PABPN1L: variants seen among roughly 807,000 people sequenced by gnomAD.
The protein encoded by PABPN1L is PABPN1 like, cytoplasmic.
In PABPN1L, 45 loss-of-function variants were observed where a neutral mutation model predicts 34.0. The observed-to-expected ratio is 1.32, with a 90% CI of 1.04 to 1.70. The LOEUF (loss-of-function observed/expected upper bound fraction) is 1.70, where lower values mean the gene tolerates loss of function less well. PABPN1L is among the 40% of genes most tolerant of loss of function. The pLI, the probability that PABPN1L is intolerant of heterozygous loss-of-function variation, is 0.00. For missense variants in PABPN1L, 459 were observed against 367.8 expected (o/e 1.25, Z -2.03); for synonymous variants, 182 against 152.1 (o/e 1.20, Z -1.45).
upstream of PABPN1L, among the ~76,000 whole-genome samples, chr16:88,869,556 A>G (rs7189067): frequency 0.038 from 5,762 of 152,286 alleles, 172 homozygotes; most frequent in African/African-American, 0.085. Context: ...GAGGACAGGT[A>G]CGCTGGGTGG....
At chr16:88,865,538 C>A (rs770474668) in intron 3 of PABPN1L, 25 bp downstream of exon 3, 78 of 1,605,334 alleles carry the variant, frequency 4.9e-5, no homozygotes, top group Non-Finnish European at 6.5e-5. Flanking sequence ...TCGCTGCCTG[C>A]CCCTTCACCC....
exon 7 of PABPN1L, chr16:88,863,795 C>T (rs1289600851): frequency 1.4e-5 from 21 of 1,535,848 alleles, no homozygotes; most frequent in South Asian, 1.2e-5. Context: ...TTCCACGGGC[C>T]CTGCACGGAG....
exon 7 of PABPN1L, chr16:88,863,382 GAC>G (rs1968491981): frequency 2.7e-6 from 1 of 376,662 alleles, no homozygotes. Context: ...TCACCATTAA[GAC>G]ACACGTTTCT....
chr16:88,863,637 G>T, exon 7 of PABPN1L: 2 of 1,294,100 alleles, frequency 1.5e-6, no homozygotes, highest in Non-Finnish European at 2.2e-6. Flanking sequence ...GGCTGCTCTG[G>T]ACACCCCTCT....
intron 1 of PABPN1L, 88 bp from the exon 2 acceptor site, chr16:88,866,029 G>A: frequency 4.1e-6 from 6 of 1,465,158 alleles, no homozygotes; most frequent in Non-Finnish European, 5.4e-6. Context: ...TCCAGCAGAG[G>A]GTCACAGCCC....
At chr16:88,865,087 G>T in exon 4 of PABPN1L, 1 of 1,592,580 alleles carries the variant, frequency 6.3e-7, no homozygotes. Flanking sequence ...CACAGCGGCT[G>T]AAGTGGGCCT....
intron 2 of PABPN1L, 87 bp downstream of exon 2, chr16:88,865,719 G>T: frequency 6.4e-7 from 1 of 1,552,712 alleles, no homozygotes; most frequent in South Asian, 1.2e-5. Context: ...TAGGGGAGGT[G>T]ACACCTTGGA....
chr16:88,864,727 C>G, intron 5 of PABPN1L, 126 bp downstream of exon 5: 1 of 1,122,220 alleles, frequency 8.9e-7, no homozygotes, highest in East Asian at 2.6e-5. Flanking sequence ...CTGTCCAGGC[C>G]CAGCCAAGCA....
exon 7 of PABPN1L, chr16:88,863,499 C>T (rs774172371): frequency 7.3e-5 from 43 of 585,668 alleles, no homozygotes; most frequent in Admixed American, 3.1e-4. Context: ...CCCAGAGCCC[C>T]GCAGATCCCC....
intron 3 of PABPN1L, 25 bp from the exon 4 acceptor site, chr16:88,865,153 G>A: frequency 1.3e-6 from 2 of 1,552,700 alleles, no homozygotes; most frequent in African/African-American, 1.4e-5. Context: ...AGACCAGCAT[G>A]TGAGGGAGAC....
At chr16:88,864,986 C>T (rs774269034) in intron 4 of PABPN1L, 36 bp downstream of exon 4, 26 of 1,599,546 alleles carry the variant, frequency 1.6e-5, no homozygotes, top group South Asian at 3.4e-5. Flanking sequence ...GGGCCCTGTC[C>T]GCATGGCCAG....
intron 1 of PABPN1L, 46 bp from the exon 2 acceptor site, chr16:88,865,987 G>A (rs188438725): frequency 6.5e-7 from 1 of 1,549,270 alleles, no homozygotes; most frequent in Non-Finnish European, 8.7e-7. Flanking sequence ...TGCAGGCTCT[G>A]CTCAAGGAAG....
At chr16:88,866,712 C>T, upstream of PABPN1L, 5 of 1,399,068 alleles carry the variant, frequency 3.6e-6, no homozygotes, top group Non-Finnish European at 4.7e-6. Context: ...CCCCTGAGGC[C>T]AGCTGCTCCC....
At chr16:88,866,258 C>A in intron 1 of PABPN1L, 94 bp downstream of exon 1, 2 of 1,469,660 alleles carry the variant, frequency 1.4e-6, no homozygotes, top group South Asian at 1.4e-5. Flanking sequence ...CCTCCTAAGT[C>A]AGCTGCAGCC....
At chr16:88,866,382 C>G in exon 1 of PABPN1L, 1 of 1,550,824 alleles carries the variant, frequency 6.4e-7, no homozygotes, top group Non-Finnish European at 8.7e-7. Flanking sequence ...CAGCCAGGTT[C>G]TCTTGCTCCA....
chr16:88,866,592 C>A (rs757398578), exon 1 of PABPN1L: 7 of 1,548,510 alleles, frequency 4.5e-6, no homozygotes, highest in Non-Finnish European at 6.1e-6. Flanking sequence ...GAGAGCGGCT[C>A]GGGAAGGGCC....
intron 1 of PABPN1L, 47 bp from the exon 2 acceptor site, chr16:88,865,988 C>T (rs775413734): frequency 1.3e-6 from 2 of 1,549,202 alleles, no homozygotes; most frequent in Non-Finnish European, 1.7e-6. Context: ...GCAGGCTCTG[C>T]TCAAGGAAGG....
chr16:88,867,810 A>G (rs571961243), upstream of PABPN1L, among the ~76,000 whole-genome samples: 3 of 152,246 alleles, frequency 2.0e-5, no homozygotes, highest in Admixed American at 2.0e-4. Flanking sequence ...CTTCATCTCC[A>G]GTGCTGCCGT....
At chr16:88,864,374 C>G (rs944251425) in exon 6 of PABPN1L, 1 of 1,554,848 alleles carries the variant, frequency 6.4e-7, no homozygotes, top group Non-Finnish European at 8.7e-7. Context: ...TTCTTTTCGG[C>G]AGCACCTGGA....
Sources: allele counts gnomAD v4.1 joint callset (sites outside exome capture counted in the v4.1 genomes callset), GRCh38; gene constraint gnomAD v4.1.1; transcripts MANE v1.5; gene names NCBI Gene and HGNC (gene_info 2026-07-23, HGNC 2026-07-21).